RABGEF1: variants seen among roughly 807,000 people sequenced by gnomAD.
RABGEF1 encodes rab5 GDP/GTP exchange factor.
Under a neutral mutation model 57.3 loss-of-function variants are expected in RABGEF1, and 26 were observed. The ratio of observed to expected loss-of-function variants is 0.45; its 90% CI spans 0.33 to 0.63. The LOEUF (loss-of-function observed/expected upper bound fraction) is 0.63, where lower values mean the gene tolerates loss of function less well. Ranked by LOEUF, RABGEF1 falls within the 20% of genes least tolerant of loss-of-function variation. The probability of loss-of-function intolerance (pLI) is 0.02; values close to 1 mark genes in which losing one functional copy is unlikely to be tolerated. For missense variants in RABGEF1, 464 were observed against 607.6 expected (o/e 0.76, Z 2.48); for synonymous variants, 185 against 210.7 (o/e 0.88, Z 1.06).
intron 1 of RABGEF1, among the ~76,000 whole-genome samples, chr7:66,743,328 TAA>T (rs1165345920): frequency 7.0e-6 from 1 of 142,652 alleles, no homozygotes; most frequent in Admixed American, 6.9e-5. Context: ...GAAAAAAATT[TAA>T]AAAAAAAAAA....
chr7:66,759,629 T>G (rs1803729054), intron 1 of RABGEF1, among the ~76,000 whole-genome samples: 1 of 152,180 alleles, frequency 6.6e-6, no homozygotes, highest in African/African-American at 2.4e-5. Flanking sequence ...CTCAGGAAGC[T>G]TCCAGTAATA....
chr7:66,686,822 C>CT (rs1281926654), intron 1 of RABGEF1, among the ~76,000 whole-genome samples: 2 of 150,332 alleles, frequency 1.3e-5, no homozygotes, highest in African/African-American at 2.4e-5. Context: ...ACTTTTTTTT[C>CT]TTTTTCTTTT....
At chr7:66,737,093 CGAGAGAGA>C (rs141745026), upstream of RABGEF1, among the ~76,000 whole-genome samples, 4 of 127,374 alleles carry the variant, frequency 3.1e-5, no homozygotes, top group Admixed American at 1.6e-4. Flanking sequence ...AGAGCGAGAG[CGAGAGAGA>C]GAGAGAGAGA....
intron 1 of RABGEF1, chr7:66,748,955 C>T: frequency 4.8e-6 from 1 of 208,178 alleles, no homozygotes; most frequent in Non-Finnish European, 1.0e-5. Flanking sequence ...AAGAGCAAGG[C>T]CGCTGCTGCT....
the RABGEF1 span, among the ~76,000 whole-genome samples, chr7:66,664,779 T>C: frequency 6.6e-6 from 1 of 152,198 alleles, no homozygotes; most frequent in African/African-American, 2.4e-5. Context: ...CTTAAGTAGC[T>C]TCCTGTCAGG....
intron 5 of RABGEF1, chr7:66,796,713 C>T (rs1786010384): frequency 2.7e-5 from 8 of 292,164 alleles, no homozygotes; most frequent in Middle Eastern, 1.3e-3. Flanking sequence ...TGTCTCAGCC[C>T]CCGAGTGGCT....
At chr7:66,675,315 A>C in the RABGEF1 span, among the ~76,000 whole-genome samples, 3 of 152,114 alleles carry the variant, frequency 2.0e-5, no homozygotes, top group Admixed American at 6.6e-5. Context: ...CTGTCATCCC[A>C]GCTATTCGGG....
chr7:66,656,846 C>T, the RABGEF1 span, among the ~76,000 whole-genome samples: 4 of 142,716 alleles, frequency 2.8e-5, no homozygotes, highest in Non-Finnish European at 3.1e-5. Flanking sequence ...AAAAAAGTAA[C>T]CAAATGAGAC....
intron 3 of RABGEF1, among the ~76,000 whole-genome samples, chr7:66,777,675 C>T (rs534653260): frequency 1.1e-3 from 161 of 152,192 alleles, no homozygotes; most frequent in African/African-American, 3.6e-3. Context: ...TACCTATAAT[C>T]CCAGCTACTT....
intron 1 of RABGEF1, among the ~76,000 whole-genome samples, chr7:66,743,097 C>G (rs1218985584): frequency 6.6e-6 from 1 of 152,036 alleles, no homozygotes; most frequent in Non-Finnish European, 1.5e-5. Flanking sequence ...ATCACGAGGT[C>G]AGGAGTTTGA....
intron 1 of RABGEF1, among the ~76,000 whole-genome samples, chr7:66,766,455 ATTCTT>A (rs761410066): frequency 2.0e-5 from 3 of 152,074 alleles, no homozygotes; most frequent in African/African-American, 7.2e-5. Flanking sequence ...CTAGGACTCT[ATTCTT>A]TTCTTTTTTT....
chr7:66,674,183 C>T, the RABGEF1 span, among the ~76,000 whole-genome samples: 5,287 of 151,246 alleles, frequency 0.035, 148 homozygotes, highest in Middle Eastern at 0.075. Flanking sequence ...TGCTTGTGTC[C>T]ACTAAAGGCT....
At position 66,810,968 on chromosome 7, in the gene RABGEF1, C is replaced by T. The variant is rs1168374686; in HGVS notation, c.*1684C>T. The T allele has an allele frequency of 6.6e-6, 1 of 152,222 alleles. No individual in the cohort carries two copies. The highest frequency in any genetic ancestry group is 2.4e-5 in the African/African-American group (1 of 41,458). The allele number at this position is 152,222 out of a possible 1,614,324, so 9.4% of individuals were successfully genotyped here. Reference sequence around the variant, plus strand: ...CTGAGTCAGCTGGTTCCCAAGCTCGCACAGAAGGTGATAAGTTACTATCAA... The same window carrying T: ...CTGAGTCAGCTGGTTCCCAAGCTCGTACAGAAGGTGATAAGTTACTATCAA... On this transcript the variant is annotated 3_prime_UTR_variant, in exon 9 of 9. Coordinates refer to ENST00000284957, the MANE Select transcript of RABGEF1 (RefSeq NM_014504.3).
intron 8 of RABGEF1, 139 bp from the exon 9 acceptor site, chr7:66,808,746 GA>G (rs1789034203): frequency 1.1e-6 from 1 of 949,412 alleles, no homozygotes; most frequent in Admixed American, 3.1e-5. Flanking sequence ...TTTTGAGGCT[GA>G]AATACACAGA....
chr7:66,749,300 G>A (rs1270781535), intron 1 of RABGEF1, among the ~76,000 whole-genome samples: 1 of 152,176 alleles, frequency 6.6e-6, no homozygotes, highest in African/African-American at 2.4e-5. Context: ...TTAATGGAGA[G>A]AGACCATCCT....
chr7:66,700,487 C>CGGCGGGGGAGGAGGGTAGTTGGGG (rs1793076254), intron 1 of RABGEF1, among the ~76,000 whole-genome samples: 1 of 137,196 alleles, frequency 7.3e-6, no homozygotes, highest in African/African-American at 2.7e-5. Context: ...AAGCGGGCCC[C>CGGCGGGGGAGGAGGGTAGTTGGGG]GGAGGGGGAG....
intron 1 of RABGEF1, among the ~76,000 whole-genome samples, chr7:66,744,545 G>C (rs1382258201): frequency 6.6e-6 from 1 of 151,566 alleles, no homozygotes; most frequent in Non-Finnish European, 1.5e-5. Context: ...GCAGGCGCCT[G>C]TAGTCCCAGC....
intron 1 of RABGEF1, among the ~76,000 whole-genome samples, chr7:66,682,857 C>T (rs1789989765): frequency 6.6e-6 from 1 of 152,170 alleles, no homozygotes; most frequent in South Asian, 2.1e-4. Context: ...GTCCCTATTT[C>T]CGAACCGTCT....
intron 4 of RABGEF1, 104 bp from the exon 5 acceptor site, chr7:66,795,407 T>C: frequency 2.2e-6 from 2 of 889,906 alleles, no homozygotes; most frequent in South Asian, 2.7e-5. Flanking sequence ...ACTTTTAGGC[T>C]TACTACCAGT....
Sources: allele counts gnomAD v4.1 joint callset (sites outside exome capture counted in the v4.1 genomes callset), GRCh38; gene constraint gnomAD v4.1.1; transcripts MANE v1.5; gene names NCBI Gene and HGNC (gene_info 2026-07-23, HGNC 2026-07-21).